CRK: variants seen among roughly 807,000 people sequenced by gnomAD.
CRK encodes CRK proto-oncogene, adaptor protein, also known as adapter molecule crk.
Under a neutral mutation model 29.8 loss-of-function variants are expected in CRK, and 4 were observed. The ratio of observed to expected loss-of-function variants is 0.13; its 90% CI spans 0.07 to 0.31. The LOEUF (loss-of-function observed/expected upper bound fraction) is 0.31. CRK is among the 10% of genes least tolerant of loss of function. The pLI, the probability that CRK is intolerant of heterozygous loss-of-function variation, is 1.00. For missense variants in CRK, 274 were observed against 396.5 expected (o/e 0.69, Z 2.62); for synonymous variants, 153 against 164.9 (o/e 0.93, Z 0.55).
chr17:1,450,991 G>C (rs2074012929), intron 1 of CRK, among the ~76,000 whole-genome samples: 1 of 151,872 alleles, frequency 6.6e-6, no homozygotes, highest in African/African-American at 2.4e-5. Flanking sequence ...AGGAGATCGA[G>C]ACCATCCTGG....
intron 2 of CRK, among the ~76,000 whole-genome samples, chr17:1,432,765 A>G (rs1474837547): frequency 1.3e-5 from 2 of 149,324 alleles, no homozygotes; most frequent in African/African-American, 2.5e-5. Flanking sequence ...CAACAAAGCG[A>G]GACTCCGTCT....
At position 1,420,840 on chromosome 17, in the gene CRK, CAT is replaced by C. The variant is rs1477188721; in HGVS notation, c.*2671_*2672del. ...TGTATAGTGTTATAATACAATGGCA[CAT>C]GTTTATATTTTATTTCAAATTGGTT... On this transcript the variant is annotated 3_prime_UTR_variant, in exon 3 of 3. Transcript: ENST00000300574. 8 of 151,938 alleles carry C rather than the reference CAT, an allele frequency of 5.3e-5. No homozygotes were observed. Among genetic ancestry groups the C allele is most frequent in the East Asian group, 3.9e-4 (2 of 5,184 alleles). The allele number at this position is 151,938 out of a possible 1,614,324, so 9.4% of individuals were successfully genotyped here. A position where few individuals can be genotyped will look rare whatever the true frequency, so the allele number is the denominator to read the frequency against.
At chr17:1,450,318 C>G (rs2074007356) in intron 1 of CRK, among the ~76,000 whole-genome samples, 1 of 151,782 alleles carries the variant, frequency 6.6e-6, no homozygotes, top group Non-Finnish European at 1.5e-5. Context: ...ACCATCCTGG[C>G]TAACACGGTG....
intron 2 of CRK, among the ~76,000 whole-genome samples, chr17:1,429,377 G>C (rs1038648713): frequency 2.0e-5 from 3 of 151,914 alleles, no homozygotes; most frequent in Non-Finnish European, 4.4e-5. Context: ...CCGCCTCCTG[G>C]AGTCTTGTGC....
chr17:1,429,281 C>A (rs978742991), intron 2 of CRK, among the ~76,000 whole-genome samples: 3 of 151,430 alleles, frequency 2.0e-5, no homozygotes, highest in African/African-American at 7.3e-5. Context: ...CCCTTGAGTC[C>A]AGGGTTTTTT....
rs1196599353 is a variant in CRK at position 1,423,290 on chromosome 17, C to G, written c.*223G>C. 1.7e-6 allele frequency: 1 copy of G among 598,042 alleles called. No homozygotes were observed. Among genetic ancestry groups the G allele is most frequent in the African/African-American group, 1.9e-5 (1 of 53,174 alleles). The allele number at this position is 598,042 out of a possible 1,614,324, so 37.0% of individuals were successfully genotyped here. ...ACACAGGCACGACCACTACCGCCTC[C>G]AATTGCCAATTCAGAAGCTAACACA... is the stretch of plus-strand genomic sequence containing the variant. On this transcript the variant is annotated 3_prime_UTR_variant, in exon 3 of 3. Coordinates refer to ENST00000300574, the MANE Select transcript of CRK (RefSeq NM_016823.4).
chr17:1,437,807 CCAT>C (rs1194537545), intron 1 of CRK, among the ~76,000 whole-genome samples: 3 of 151,224 alleles, frequency 2.0e-5, no homozygotes, highest in East Asian at 1.9e-4. Flanking sequence ...GCTCCCACCA[CCAT>C]GACAAGCTAA....
intron 2 of CRK, 57 bp downstream of exon 2, chr17:1,436,563 G>A: frequency 6.6e-7 from 1 of 1,523,236 alleles, no homozygotes; most frequent in Non-Finnish European, 8.8e-7. Context: ...GCTCTAAGAG[G>A]ACCGAGAGGA....
intron 1 of CRK, among the ~76,000 whole-genome samples, chr17:1,446,738 C>T (rs924928151): frequency 6.6e-6 from 1 of 151,956 alleles, no homozygotes; most frequent in Admixed American, 6.6e-5. Flanking sequence ...ACTACAGGTG[C>T]CCGCCACCAC....
At chr17:1,425,789 T>TA (rs1415831784) in intron 2 of CRK, among the ~76,000 whole-genome samples, 1 of 152,126 alleles carries the variant, frequency 6.6e-6, no homozygotes, top group Non-Finnish European at 1.5e-5. Flanking sequence ...AAGAACTCTC[T>TA]AAAAATTACA....
intron 2 of CRK, among the ~76,000 whole-genome samples, chr17:1,434,738 G>A (rs566402176): frequency 2.8e-4 from 40 of 145,210 alleles, no homozygotes; most frequent in South Asian, 1.1e-3. Flanking sequence ...AGCCGAGATC[G>A]TGCCATTGCA....
intron 2 of CRK, among the ~76,000 whole-genome samples, chr17:1,428,877 C>T (rs1350248814): frequency 1.3e-5 from 2 of 149,646 alleles, no homozygotes; most frequent in Admixed American, 6.7e-5. Flanking sequence ...TGGAGCCTCA[C>T]TCTTGTCACC....
intron 1 of CRK, among the ~76,000 whole-genome samples, chr17:1,441,756 C>G (rs1251771452): frequency 6.6e-6 from 1 of 152,038 alleles, no homozygotes; most frequent in Non-Finnish European, 1.5e-5. Flanking sequence ...TCCCAAAGTG[C>G]TGGGATTACA....
rs562515421 is a variant in CRK at position 1,427,030 on chromosome 17, CAAAAAAAAAAAAAAAAAAAAAA to C, written c.778-3402_778-3381del. ...CTGGGCGACAGAGCAAAACTGTCTCCAAAAAAAAAAAAAAAAAAAAAAAAAAAAAAAAAAAAAAAAAAGATTC... is the reference window on the plus strand; with the variant it reads ...CTGGGCGACAGAGCAAAACTGTCTCCAAAAAAAAAAAAAAAAAAAAGATTC... On this transcript the variant is annotated intron_variant, in intron 2 of 2. Coordinates refer to ENST00000300574, the MANE Select transcript of CRK (RefSeq NM_016823.4). 5.1e-3 allele frequency among the ~76,000 whole-genome samples: 181 copies of C among 35,300 alleles called. 7 individuals carry two copies. Among genetic ancestry groups the C allele is most frequent in the Middle Eastern group, 0.028 (1 of 36 alleles). 23.2% of individuals were successfully genotyped at this position (35,300 alleles called of 152,430 possible). A position where few individuals can be genotyped will look rare whatever the true frequency, so the allele number is the denominator to read the frequency against.
intron 1 of CRK, among the ~76,000 whole-genome samples, chr17:1,448,316 A>C (rs2073990533): frequency 1.3e-5 from 2 of 152,038 alleles, no homozygotes; most frequent in African/African-American, 4.8e-5. Flanking sequence ...TACCTATCTA[A>C]TAAATAAAGT....
At chr17:1,425,282 T>C (rs1055424440) in intron 2 of CRK, among the ~76,000 whole-genome samples, 22 of 151,628 alleles carry the variant, frequency 1.5e-4, no homozygotes, top group East Asian at 4.0e-4. Context: ...TTAGTAGAGA[T>C]GGGGTTTCAC....
chr17:1,450,725 A>T (rs1484344767), intron 1 of CRK, among the ~76,000 whole-genome samples: 2 of 151,892 alleles, frequency 1.3e-5, no homozygotes, highest in East Asian at 3.9e-4. Flanking sequence ...CTGTACTAAA[A>T]ATACAAAAAA....
At chr17:1,446,909 T>C (rs2073979772) in intron 1 of CRK, among the ~76,000 whole-genome samples, 1 of 152,192 alleles carries the variant, frequency 6.6e-6, no homozygotes, top group Non-Finnish European at 1.5e-5. Flanking sequence ...TTCTTTTTGT[T>C]TGGCAATCCC....
At chr17:1,438,461 T>C (rs1351934763) in intron 1 of CRK, among the ~76,000 whole-genome samples, 2 of 152,180 alleles carry the variant, frequency 1.3e-5, no homozygotes, top group South Asian at 2.1e-4. Flanking sequence ...AGATAGGTGA[T>C]CTCAATTTTA....
Sources: allele counts gnomAD v4.1 joint callset (sites outside exome capture counted in the v4.1 genomes callset), GRCh38; gene constraint gnomAD v4.1.1; transcripts MANE v1.5; gene names NCBI Gene and HGNC (gene_info 2026-07-23, HGNC 2026-07-21).